PPFIBP1: variants seen among roughly 807,000 people sequenced by gnomAD.
The protein encoded by PPFIBP1 is PPFIB scaffold protein 1, also known as liprin-beta-1.
PPFIBP1 carries 112 observed loss-of-function variants against 137.8 expected under a neutral mutation model. The ratio of observed to expected loss-of-function variants is 0.81; its 90% CI spans 0.70 to 0.95. The LOEUF is 0.95. PPFIBP1 is among the 40% of genes least tolerant of loss of function. PPFIBP1 has a pLI of 0.00. For missense variants in PPFIBP1, 1,083 were observed against 1,196.6 expected, an observed-to-expected ratio of 0.91 and a Z score of 1.40; for synonymous variants, 378 against 417.3, an observed-to-expected ratio of 0.91 and a Z score of 1.15.
intron 2 of PPFIBP1, chr12:27,584,018 T>A (rs1287800834): frequency 6.6e-6 from 1 of 152,244 alleles, no homozygotes; most frequent in African/African-American, 2.4e-5. Flanking sequence ...AATGACCAAA[T>A]ACTTTTCCTA....
In PPFIBP1 at chr12:27,650,159, T is replaced by C; in HGVS notation, c.603+18T>C. 1 of 1,574,912 alleles carries C rather than the reference T, an allele frequency of 6.3e-7. No individual in the cohort carries two copies. Among genetic ancestry groups the C allele is most frequent in the Non-Finnish European group, 8.7e-7 (1 of 1,148,794 alleles). On this transcript the variant is annotated intron_variant, in intron 7 of 29. Coordinates refer to ENST00000228425, the MANE Select transcript of PPFIBP1 (RefSeq NM_003622.4). Reference sequence around the variant, plus strand: ...ACACAGAGGTGAGTGATACAGTCTCTCCTCCCTCTCTCTCTCTCTCTGTCA... The same window carrying C: ...ACACAGAGGTGAGTGATACAGTCTCCCCTCCCTCTCTCTCTCTCTCTGTCA...
intron 2 of PPFIBP1, among the ~76,000 whole-genome samples, chr12:27,621,286 G>A (rs1264398583): frequency 3.9e-5 from 6 of 152,268 alleles, no homozygotes; most frequent in African/African-American, 1.4e-4. Flanking sequence ...CAGGCAGTGG[G>A]CTAGATTTGA....
At chr12:27,643,957 T>G (rs2139378335) in intron 4 of PPFIBP1, among the ~76,000 whole-genome samples, 1 of 148,144 alleles carries the variant, frequency 6.8e-6, no homozygotes, top group South Asian at 2.2e-4. Flanking sequence ...TGTTTCTATT[T>G]GGGGCTAATT....
chr12:27,634,859 T>G, intron 3 of PPFIBP1, 51 bp from the exon 4 acceptor site: 1 of 1,529,448 alleles, frequency 6.5e-7, no homozygotes, highest in Non-Finnish European at 9.0e-7. Flanking sequence ...GCTTTGGTAT[T>G]TTTATCTAAC....
At chr12:27,533,792 A>T (rs1172987787) in intron 1 of PPFIBP1, among the ~76,000 whole-genome samples, 4 of 152,218 alleles carry the variant, frequency 2.6e-5, no homozygotes, top group Non-Finnish European at 5.9e-5. Flanking sequence ...GGGACTCCTG[A>T]TATTTAGAAA....
chr12:27,640,211 C>T (rs1164416636), intron 4 of PPFIBP1, among the ~76,000 whole-genome samples: 2 of 152,168 alleles, frequency 1.3e-5, no homozygotes, highest in Admixed American at 6.5e-5. Flanking sequence ...TTCATGGAAT[C>T]CTAGGCCACT....
intron 24 of PPFIBP1, among the ~76,000 whole-genome samples, chr12:27,684,810 T>G (rs1243987140): frequency 6.6e-6 from 1 of 152,072 alleles, no homozygotes; most frequent in Non-Finnish European, 1.5e-5. Context: ...TAATTTTAGA[T>G]TTACAGAGGA....
chr12:27,679,792 A>G, intron 20 of PPFIBP1, 141 bp from the exon 21 acceptor site: 1 of 1,361,708 alleles, frequency 7.3e-7, no homozygotes, highest in African/African-American at 1.5e-5. Flanking sequence ...ATTGGGTCTT[A>G]GTTAAAGTTT....
intron 2 of PPFIBP1, among the ~76,000 whole-genome samples, chr12:27,627,304 A>T (rs2056899046): frequency 6.6e-6 from 1 of 152,192 alleles, no homozygotes; most frequent in Non-Finnish European, 1.5e-5. Flanking sequence ...GAAAAAAAAT[A>T]AAAAAACTAA....
intron 7 of PPFIBP1, among the ~76,000 whole-genome samples, chr12:27,651,906 T>G (rs1198889503): frequency 1.3e-5 from 2 of 152,212 alleles, no homozygotes; most frequent in African/African-American, 4.8e-5. Flanking sequence ...ATTGTTTCAC[T>G]CATGCACTCT....
chr12:27,582,390 C>T (rs916141635), intron 2 of PPFIBP1, among the ~76,000 whole-genome samples: 1 of 152,216 alleles, frequency 6.6e-6, no homozygotes, highest in African/African-American at 2.4e-5. Context: ...GCATTTTTTA[C>T]ACCTATTTAG....
intron 25 of PPFIBP1, 23 bp downstream of exon 25, chr12:27,687,530 T>C (rs765256698): frequency 3.1e-6 from 5 of 1,611,604 alleles, no homozygotes; most frequent in African/African-American, 2.7e-5. Flanking sequence ...GATTGAGGTT[T>C]ATAAGCATGC....
At chr12:27,670,001 CTGACTGGTTGGCG>C (rs1207901731) in intron 13 of PPFIBP1, among the ~76,000 whole-genome samples, 1 of 152,150 alleles carries the variant, frequency 6.6e-6, no homozygotes, top group Non-Finnish European at 1.5e-5. Context: ...GAGACTGTTG[CTGACTGGTTGGCG>C]TGTAGAAGGG....
At chr12:27,617,712 TA>T (rs2055914633) in intron 2 of PPFIBP1, among the ~76,000 whole-genome samples, 1 of 152,258 alleles carries the variant, frequency 6.6e-6, no homozygotes, top group Admixed American at 6.5e-5. Flanking sequence ...TTTCTTTTTT[TA>T]TTTGAATATT....
rs186801774 is a variant in PPFIBP1 at position 27,644,462 on chromosome 12, A to G, written c.271-1600A>G. The stretch of plus-strand genomic sequence containing the variant: ...CTGTTTCCAAACTATTGTTACTTGT[A>G]TGGGATTTTAAAAACAGATGGCTGT... On this transcript the variant is annotated intron_variant, in intron 4 of 29. Transcript: ENST00000228425. 2.0e-3 allele frequency among the ~76,000 whole-genome samples: 311 copies of G among 152,100 alleles called. 1 individual carries two copies. The highest frequency in any genetic ancestry group is 3.3e-3 in the Non-Finnish European group (223 of 67,988).
chr12:27,535,560 G>A (rs948728437), intron 1 of PPFIBP1, among the ~76,000 whole-genome samples: 1 of 147,088 alleles, frequency 6.8e-6, no homozygotes, highest in Non-Finnish European at 1.5e-5. Flanking sequence ...CTACAGATGC[G>A]TGCCTGGCAA....
intron 3 of PPFIBP1, among the ~76,000 whole-genome samples, chr12:27,633,906 C>T (rs1451411574): frequency 7.1e-6 from 1 of 140,956 alleles, no homozygotes; most frequent in Non-Finnish European, 1.5e-5. Context: ...GGTACAATCT[C>T]AGCTCACTGC....
Position 27,597,785 on chromosome 12 carries a change from T to C in PPFIBP1, c.-36+19546T>C, listed in dbSNP as rs1280004934. ...GGCAGCCTCAGAGAAAACTTTAAATTTTATTTATTTATTTATGTATTTATT... is the reference window on the plus strand; with the variant it reads ...GGCAGCCTCAGAGAAAACTTTAAATCTTATTTATTTATTTATGTATTTATT... On this transcript the variant is annotated intron_variant, in intron 2 of 29. Transcript: ENST00000228425. Among the ~76,000 whole-genome samples the C allele has an allele frequency of 2.6e-5, 4 of 152,012 alleles. No individual in the cohort carries two copies. The East Asian group carries it at 7.7e-4, about 29-fold the overall frequency.
At chr12:27,549,010 C>T (rs118106998) in intron 1 of PPFIBP1, 2 of 152,286 alleles carry the variant, frequency 1.3e-5, no homozygotes, top group East Asian at 3.9e-4. Context: ...TAAAAACACC[C>T]ACCTCTGAAC....
Sources: allele counts gnomAD v4.1 joint callset (sites outside exome capture counted in the v4.1 genomes callset), GRCh38; gene constraint gnomAD v4.1.1; transcripts MANE v1.5; gene names NCBI Gene and HGNC (gene_info 2026-07-23, HGNC 2026-07-21).